The following TRIP12 variants were observed in gnomAD, a reference collection of about 807,000 sequenced individuals.
TRIP12 encodes E3 ubiquitin-protein ligase TRIP12.
TRIP12 carries 25 observed loss-of-function variants against 244.2 expected under a neutral mutation model. That is an observed-to-expected ratio of 0.10 (90% confidence interval 0.07 to 0.14). The LOEUF (loss-of-function observed/expected upper bound fraction) is 0.14. Ranked by LOEUF, TRIP12 falls within the 10% of genes least tolerant of loss-of-function variation. The probability of loss-of-function intolerance (pLI) is 1.00; values close to 1 mark genes in which losing one functional copy is unlikely to be tolerated. For synonymous variants in TRIP12, 905 were observed against 873.1 expected (o/e 1.04, Z -0.64); for missense variants, 1,677 against 2,486.4 (o/e 0.67, Z 6.92).
In TRIP12 at chr2:229,795,074, T is replaced by C. The variant is rs535330710; in HGVS notation, c.3968+105A>G. On this transcript the variant is annotated intron_variant, in intron 26 of 41. Coordinates refer to ENST00000675903, the MANE Select transcript of TRIP12 (RefSeq NM_001348323.3). The stretch of plus-strand genomic sequence containing the variant: ...TTTCTTTCATCATTACAGCTGAATG[T>C]TTTCTGGGCCAATCAAGACTTTACC... 9.8e-4 allele frequency: 1,310 copies of C among 1,343,046 alleles called. 3 individuals carry two copies. The highest frequency in any genetic ancestry group is 1.2e-3 in the Non-Finnish European group (1,238 of 993,248). The allele number at this position is 1,343,046 out of a possible 1,614,324, so 83.2% of individuals were successfully genotyped here.
intron 12 of TRIP12, 92 bp from the exon 13 acceptor site, chr2:229,814,123 G>C (rs1299091892): frequency 1.3e-6 from 2 of 1,521,578 alleles, no homozygotes; most frequent in Non-Finnish European, 1.8e-6. Flanking sequence ...CATTACTCTG[G>C]AAACAACATT....
intron 2 of TRIP12, among the ~76,000 whole-genome samples, chr2:229,862,683 C>T (rs2060664485): frequency 6.6e-6 from 1 of 152,042 alleles, no homozygotes; most frequent in African/African-American, 2.4e-5. Flanking sequence ...CATCAGAAAC[C>T]GGCCCATATG....
Position 229,769,300 on chromosome 2 carries a change from T to C in TRIP12, c.5834A>G (p.Lys1945Arg). The part of the protein sequence containing the change: ...EELDQLLCGS[K>R]ADTWDAKTLM... Reference sequence around the variant, plus strand: ...TGTCTTTGCATCCCAAGTGTCTGCTTTACTGCCACAAAGGAGCTGATCCAG... The same window carrying C: ...TGTCTTTGCATCCCAAGTGTCTGCTCTACTGCCACAAAGGAGCTGATCCAG... Residue 1945 changes from lysine to arginine, a missense_variant, in exon 40 of 42, where the codon AAA (lysine) becomes AGA (arginine). By Grantham distance (26) the Lys-to-Arg change is conservative. Transcript: ENST00000675903. 6.2e-7 allele frequency: 1 copy of C among 1,614,074 alleles called. No individual in the cohort carries two copies. Among genetic ancestry groups the C allele is most frequent in the Non-Finnish European group, 8.5e-7 (1 of 1,179,996 alleles).
chr2:229,892,866 G>A (rs1219775639), intron 1 of TRIP12, among the ~76,000 whole-genome samples: 2 of 151,322 alleles, frequency 1.3e-5, no homozygotes, highest in East Asian at 1.9e-4. Flanking sequence ...ACCCTGCCTC[G>A]AAAAAATAAA....
rs775762691 is a variant in TRIP12 at position 229,798,907 on chromosome 2, C to T, written c.3450G>A (p.Arg1150=). 18 of 1,614,044 alleles carry T rather than the reference C, an allele frequency of 1.1e-5. No individual in the cohort carries two copies. The highest frequency in any genetic ancestry group is 1.4e-5 in the Non-Finnish European group (16 of 1,180,050). The change falls in exon 23 of 42, where the codon AGG becomes AGA. Residue 1150 remains arginine, a synonymous_variant. Coordinates refer to ENST00000675903, the MANE Select transcript of TRIP12 (RefSeq NM_001348323.3). Reference sequence around the variant, plus strand: ...TGGAGATGGTATCCTTTGAGGCAGCCCTGGCAAGGCCACTACCTCCCGCAG... The same window carrying T: ...TGGAGATGGTATCCTTTGAGGCAGCTCTGGCAAGGCCACTACCTCCCGCAG... ...ARTAGGSGLA[R]AASKDTISNN... is the part of the protein sequence containing the mutation.
Position 229,778,467 on chromosome 2 carries a change from T to G in TRIP12, c.5330A>C (p.Lys1777Thr). Reference sequence around the variant, plus strand: ...ATCCATGATAGCCTTGGCCATTAATTTTCCTAAGAAGCGAAACTTCATCTT... The same window carrying G: ...ATCCATGATAGCCTTGGCCATTAATGTTCCTAAGAAGCGAAACTTCATCTT... ...KVKMKFRFLG[K>T]LMAKAIMDFR... Residue 1777 changes from lysine to threonine, a missense_variant, in exon 36 of 42, where the codon AAA becomes ACA. Around this residue, in one of 11 missense-constraint regions of TRIP12, gnomAD observed 171 missense variants for 388.4 expected, o/e 0.44. Coordinates refer to ENST00000675903, the MANE Select transcript of TRIP12 (RefSeq NM_001348323.3). The surrounding 1 kb of genome is among the most constrained non-coding windows in gnomAD (Gnocchi z 4.1). The G allele has an allele frequency of 6.2e-7, 1 of 1,614,058 alleles. No homozygotes were observed. The highest frequency in any genetic ancestry group is 8.5e-7 in the Non-Finnish European group (1 of 1,179,934).
intron 4 of TRIP12, among the ~76,000 whole-genome samples, chr2:229,857,523 G>C (rs2059792221): frequency 6.6e-6 from 1 of 151,970 alleles, no homozygotes; most frequent in South Asian, 2.1e-4. Context: ...CAGCTACTCA[G>C]GAGAGGCTGA....
Position 229,875,194 on chromosome 2 carries a change from T to C in TRIP12, c.98+4788A>G, listed in dbSNP as rs180744303. On this transcript the variant is annotated intron_variant, in intron 2 of 41. Transcript: ENST00000675903. ...AGATGCCTAGTTCAACTGTGGATAG[T>C]GATGAAGGATGGGTGAAAAGGAGAG... Among the ~76,000 whole-genome samples, 24 of 152,210 alleles carry C rather than the reference T, an allele frequency of 1.6e-4. No homozygotes were observed. In the East Asian group the frequency reaches 4.0e-3, roughly 26 times the overall value.
At chr2:229,922,885 TAG>T (rs759511532), upstream of TRIP12, among the ~76,000 whole-genome samples, 1 of 152,140 alleles carries the variant, frequency 6.6e-6, no homozygotes, top group Non-Finnish European at 1.5e-5. Context: ...TTCTTACCCG[TAG>T]AGTTTCCTCC....
chr2:229,842,394 A>G (rs1460398441), intron 4 of TRIP12, among the ~76,000 whole-genome samples: 2 of 152,220 alleles, frequency 1.3e-5, no homozygotes, highest in African/African-American at 4.8e-5. Flanking sequence ...GCTTGGTAAT[A>G]CATTTGGCTA....
At chr2:229,771,050 G>A (rs549824631) in intron 39 of TRIP12, among the ~76,000 whole-genome samples, 1 of 152,202 alleles carries the variant, frequency 6.6e-6, no homozygotes, top group South Asian at 2.1e-4. Flanking sequence ...TCCATTCTCA[G>A]AAGTATTCTC....
Position 229,804,072 on chromosome 2 carries a change from C to T in TRIP12, c.2806G>A (p.Ala936Thr). Residue 936 changes from alanine (A) to threonine (T), a missense_variant, in exon 19 of 42, where the codon GCA becomes ACA. This residue lies in a region of TRIP12 where 572 missense variants were observed against 867.8 expected (regional missense o/e 0.66). Coordinates refer to ENST00000675903, the MANE Select transcript of TRIP12 (RefSeq NM_001348323.3). The stretch of plus-strand genomic sequence containing the variant: ...GCAAAATAAATTATCCTAAGAATTG[C>T]TCTAAGGCACTTATGTCTGACCGCA... ...GPAVRHKCLRAILRIIYFADA... is the reference protein window; with the variant it reads ...GPAVRHKCLRTILRIIYFADA... 1.2e-6 allele frequency: 2 copies of T among 1,614,098 alleles called. No homozygotes were observed. The highest frequency in any genetic ancestry group is 1.7e-6 in the Non-Finnish European group (2 of 1,180,000).
At chr2:229,837,133 A>G (rs2055035799) in intron 5 of TRIP12, 149 bp from the exon 6 acceptor site, 5 of 781,372 alleles carry the variant, frequency 6.4e-6, no homozygotes, top group Non-Finnish European at 5.3e-6. Context: ...ATCACCATGT[A>G]TAACAACCAA....
At chr2:229,872,746 C>T (rs1192375167) in intron 2 of TRIP12, among the ~76,000 whole-genome samples, 1 of 152,180 alleles carries the variant, frequency 6.6e-6, no homozygotes, top group African/African-American at 2.4e-5. Context: ...TTAAACTCTG[C>T]ACCTTCTACA....
intron 26 of TRIP12, chr2:229,793,466 C>T (rs2042045313): frequency 5.9e-6 from 1 of 169,896 alleles, no homozygotes. Flanking sequence ...AACAAAAATT[C>T]CTGAACTATT....
chr2:229,817,513 A>T (rs1343178875), intron 9 of TRIP12, among the ~76,000 whole-genome samples: 4 of 152,192 alleles, frequency 2.6e-5, no homozygotes, highest in Non-Finnish European at 5.9e-5. Flanking sequence ...GCTGTTAATA[A>T]ATCTATCATA....
intron 4 of TRIP12, among the ~76,000 whole-genome samples, chr2:229,842,138 T>C (rs1213181913): frequency 6.6e-6 from 1 of 152,198 alleles, no homozygotes; most frequent in Non-Finnish European, 1.5e-5. Flanking sequence ...AAAATAACTT[T>C]CGTGAAAGAT....
intron 1 of TRIP12, among the ~76,000 whole-genome samples, chr2:229,887,699 G>A (rs1012382971): frequency 2.6e-5 from 4 of 152,162 alleles, no homozygotes; most frequent in East Asian, 3.8e-4. Flanking sequence ...GGTGACAAAG[G>A]TTAAGAAAAG....
At chr2:229,912,937 C>T (rs963474295) in intron 1 of TRIP12, among the ~76,000 whole-genome samples, 2 of 152,090 alleles carry the variant, frequency 1.3e-5, no homozygotes, top group African/African-American at 4.8e-5. Context: ...TGGCATGACG[C>T]ACTGCAGCCT....
Sources: allele counts gnomAD v4.1 joint callset (sites outside exome capture counted in the v4.1 genomes callset), GRCh38; gene constraint gnomAD v4.1.1; regional missense constraint gnomAD v4.1.1; non-coding constraint Gnocchi (gnomAD v3.1); transcripts MANE v1.5; gene names NCBI Gene and HGNC (gene_info 2026-07-23, HGNC 2026-07-21).